Variants in SGPP2 observed in about 807,000 individuals in gnomAD.
The protein encoded by SGPP2 is sphingosine-1-phosphate phosphatase 2.
Under a neutral mutation model 33.9 loss-of-function variants are expected in SGPP2, and 30 were observed. The ratio of observed to expected loss-of-function variants is 0.89; its 90% CI spans 0.66 to 1.20. SGPP2 has a LOEUF of 1.20. Ranked by LOEUF, SGPP2 falls within the 50% of genes most tolerant of loss-of-function variation. The pLI is 0.00. For synonymous variants in SGPP2, 233 were observed against 225.0 expected (o/e 1.04, Z -0.32); for missense variants, 458 against 532.1 (o/e 0.86, Z 1.37).
chr2:222,440,722 A>G (rs1188719945), intron 1 of SGPP2, among the ~76,000 whole-genome samples: 1 of 152,030 alleles, frequency 6.6e-6, no homozygotes, highest in Non-Finnish European at 1.5e-5. Flanking sequence ...TCAAATTTGC[A>G]CATTAGGACA....
intron 1 of SGPP2, among the ~76,000 whole-genome samples, chr2:222,466,509 C>G (rs796584436): frequency 9.9e-5 from 15 of 152,062 alleles, no homozygotes; most frequent in African/African-American, 1.9e-4. Flanking sequence ...CCGCCCACCT[C>G]GGCCTCCCAA....
At chr2:222,424,450 C>A (rs1020376344), upstream of SGPP2, 2 of 260,350 alleles carry the variant, frequency 7.7e-6, no homozygotes, top group Non-Finnish European at 1.3e-5. Context: ...CGCTAGGACC[C>A]GGGCGGCGCA....
chr2:222,495,830 CTAAT>C (rs753944831), intron 2 of SGPP2, among the ~76,000 whole-genome samples: 2 of 152,198 alleles, frequency 1.3e-5, no homozygotes. Flanking sequence ...TGACCAAACT[CTAAT>C]TAAGTTTCTC....
At chr2:222,480,778 G>A (rs964962003) in intron 2 of SGPP2, among the ~76,000 whole-genome samples, 1 of 152,060 alleles carries the variant, frequency 6.6e-6, no homozygotes, top group Non-Finnish European at 1.5e-5. Context: ...TTAAATCATT[G>A]CTAATTTAAC....
At chr2:222,498,232 A>G (rs1332083012) in intron 2 of SGPP2, 1 of 152,170 alleles carries the variant, frequency 6.6e-6, no homozygotes, top group African/African-American at 2.4e-5. Context: ...TATAATAAGC[A>G]GAGGTTGGAT....
intron 2 of SGPP2, among the ~76,000 whole-genome samples, chr2:222,480,160 A>T (rs1433565744): frequency 2.0e-5 from 3 of 152,228 alleles, no homozygotes; most frequent in Non-Finnish European, 2.9e-5. Flanking sequence ...AAAGCTTTAA[A>T]GTTATATTTC....
intron 1 of SGPP2, among the ~76,000 whole-genome samples, chr2:222,461,333 G>C (rs1375020955): frequency 1.3e-5 from 2 of 152,030 alleles, no homozygotes; most frequent in African/African-American, 4.8e-5. Context: ...GTCCGGCATT[G>C]GTCCCAAGGC....
chr2:222,457,666 A>G (rs1200060813), intron 1 of SGPP2, among the ~76,000 whole-genome samples: 1 of 152,176 alleles, frequency 6.6e-6, no homozygotes, highest in Non-Finnish European at 1.5e-5. Flanking sequence ...ACTAAAAAGT[A>G]GGAAAGTAAG....
intron 2 of SGPP2, among the ~76,000 whole-genome samples, chr2:222,494,295 C>G (rs1212306925): frequency 6.6e-6 from 1 of 152,284 alleles, no homozygotes; most frequent in African/African-American, 2.4e-5. Flanking sequence ...TTAAAAAAAT[C>G]CTTAAGCTAA....
At chr2:222,427,757 C>CAAAAAAA (rs1697094442) in intron 1 of SGPP2, among the ~76,000 whole-genome samples, 1 of 152,184 alleles carries the variant, frequency 6.6e-6, no homozygotes, top group Admixed American at 6.5e-5. Flanking sequence ...TCACCTTTCA[C>CAAAAAAA]ATTGTCTATA....
chr2:222,441,605 C>T (rs1461502625), intron 1 of SGPP2, among the ~76,000 whole-genome samples: 1 of 152,012 alleles, frequency 6.6e-6, no homozygotes, highest in Non-Finnish European at 1.5e-5. Context: ...AGGGATTGTT[C>T]TTGGGCACAG....
At chr2:222,464,931 GA>G (rs1268173186) in intron 1 of SGPP2, among the ~76,000 whole-genome samples, 1 of 152,206 alleles carries the variant, frequency 6.6e-6, no homozygotes, top group Non-Finnish European at 1.5e-5. Flanking sequence ...CCACCTTGAG[GA>G]AAAGGAAGAA....
At chr2:222,538,390 A>C (rs919692939) in intron 4 of SGPP2, among the ~76,000 whole-genome samples, 1 of 152,232 alleles carries the variant, frequency 6.6e-6, no homozygotes, top group African/African-American at 2.4e-5. Flanking sequence ...GAAATAAAAA[A>C]TAAACTCTAA....
In SGPP2 at chr2:222,473,692, A is replaced by C. The variant is rs567280951; in HGVS notation, c.220-876A>C. 6.6e-5 allele frequency among the ~76,000 whole-genome samples: 10 copies of C among 152,282 alleles called. No individual in the cohort carries two copies. The East Asian group carries it at 1.7e-3, about 26-fold the overall frequency. The stretch of plus-strand genomic sequence containing the variant: ...GTAATCCCAGCACTTTGGGAGGCCG[A>C]GGTGGGTGGATCACCTGAGGTTGGG... On this transcript the variant is annotated intron_variant, in intron 1 of 4. Coordinates refer to ENST00000321276, the MANE Select transcript of SGPP2 (RefSeq NM_152386.4).
intron 1 of SGPP2, among the ~76,000 whole-genome samples, chr2:222,464,853 A>G (rs1174799073): frequency 1.3e-5 from 2 of 152,176 alleles, no homozygotes; most frequent in African/African-American, 4.8e-5. Flanking sequence ...TAGAGTCAAG[A>G]AGAGCATTGT....
At chr2:222,438,767 C>CAA (rs1306040888) in intron 1 of SGPP2, among the ~76,000 whole-genome samples, 3 of 152,242 alleles carry the variant, frequency 2.0e-5, no homozygotes, top group Non-Finnish European at 4.4e-5. Context: ...GAATCTCCAA[C>CAA]CCGGTGTCTT....
intron 1 of SGPP2, among the ~76,000 whole-genome samples, chr2:222,463,833 T>C (rs557607484): frequency 1.4e-4 from 21 of 152,360 alleles, no homozygotes; most frequent in African/African-American, 4.1e-4. Context: ...TATTTATGCC[T>C]GAATAATTTT....
chr2:222,524,879 A>C, intron 3 of SGPP2, 65 bp from the exon 4 acceptor site: 1 of 1,261,824 alleles, frequency 7.9e-7, no homozygotes. Flanking sequence ...ATTCCCACCT[A>C]TGACATCAAA....
intron 1 of SGPP2, among the ~76,000 whole-genome samples, chr2:222,461,756 A>G (rs572342203): frequency 6.6e-6 from 1 of 152,236 alleles, no homozygotes; most frequent in South Asian, 2.1e-4. Flanking sequence ...CAGGAGGTGG[A>G]GCACAAGTGG....
Sources: allele counts gnomAD v4.1 joint callset (sites outside exome capture counted in the v4.1 genomes callset), GRCh38; gene constraint gnomAD v4.1.1; transcripts MANE v1.5; gene names NCBI Gene and HGNC (gene_info 2026-07-23, HGNC 2026-07-21).